The following CCSER1 variants were observed in gnomAD, a reference collection of about 807,000 sequenced individuals.
CCSER1 encodes the protein serine-rich coiled-coil domain-containing protein 1.
Under a neutral mutation model 82.0 loss-of-function variants are expected in CCSER1, and 41 were observed. That is an observed-to-expected ratio of 0.50 (90% CI 0.39 to 0.65). The LOEUF (loss-of-function observed/expected upper bound fraction) is 0.65. CCSER1 is among the 30% of genes least tolerant of loss of function. CCSER1 has a pLI of 0.00. For missense variants in CCSER1, 1,119 were observed against 1,064.2 expected, an observed-to-expected ratio of 1.05 and a Z score of -0.72; for synonymous variants, 414 against 383.9, an observed-to-expected ratio of 1.08 and a Z score of -0.92.
chr4:90,274,408 C>G (rs946476126), intron 1 of CCSER1, among the ~76,000 whole-genome samples: 2 of 152,058 alleles, frequency 1.3e-5, no homozygotes, highest in South Asian at 2.1e-4. Context: ...TTTCTTATCA[C>G]TTTGTCATTT....
intron 3 of CCSER1, among the ~76,000 whole-genome samples, chr4:90,356,223 C>T (rs186864479): frequency 9.2e-5 from 14 of 151,892 alleles, no homozygotes; most frequent in Admixed American, 9.2e-4. Flanking sequence ...TGTAGCTATA[C>T]TGTTTTATAA....
intron 6 of CCSER1, among the ~76,000 whole-genome samples, chr4:90,688,762 A>G (rs1181177982): frequency 2.0e-5 from 3 of 152,300 alleles, no homozygotes; most frequent in African/African-American, 7.2e-5. Context: ...GAATTTTTAA[A>G]TACTTTAAGT....
At chr4:90,667,077 G>T (rs1263331980) in intron 6 of CCSER1, among the ~76,000 whole-genome samples, 4 of 152,092 alleles carry the variant, frequency 2.6e-5, no homozygotes, top group South Asian at 2.1e-4. Context: ...ACACCGAATC[G>T]ACTTCAGGTT....
intron 10 of CCSER1, among the ~76,000 whole-genome samples, chr4:91,356,802 C>T (rs189320974): frequency 4.3e-4 from 65 of 152,214 alleles, no homozygotes; most frequent in African/African-American, 1.3e-3. Context: ...TGTTGGGAGA[C>T]GGAAGCTGGA....
intron 4 of CCSER1, among the ~76,000 whole-genome samples, chr4:90,443,461 G>A (rs1467410193): frequency 6.6e-6 from 1 of 152,130 alleles, no homozygotes; most frequent in Non-Finnish European, 1.5e-5. Flanking sequence ...CATCCTGGGT[G>A]GGACAGAGCA....
intron 8 of CCSER1, among the ~76,000 whole-genome samples, chr4:90,842,702 T>G (rs1762726748): frequency 6.6e-6 from 1 of 152,036 alleles, no homozygotes; most frequent in African/African-American, 2.4e-5. Flanking sequence ...AGGAAAGAGA[T>G]GTATAAGAAG....
intron 10 of CCSER1, among the ~76,000 whole-genome samples, chr4:91,464,252 T>A (rs7663909): frequency 1.2e-4 from 18 of 151,980 alleles, no homozygotes; most frequent in Admixed American, 2.6e-4. Flanking sequence ...CCAGCCAAAC[T>A]AAGCTTCATA....
At chr4:91,365,104 A>T (rs1239705505) in intron 10 of CCSER1, among the ~76,000 whole-genome samples, 1 of 152,190 alleles carries the variant, frequency 6.6e-6, no homozygotes, top group African/African-American at 2.4e-5. Flanking sequence ...GTAATGGTGC[A>T]TTTCTAATAA....
intron 5 of CCSER1, among the ~76,000 whole-genome samples, chr4:90,521,240 T>A (rs890841724): frequency 6.6e-6 from 1 of 152,098 alleles, no homozygotes; most frequent in African/African-American, 2.4e-5. Context: ...CTTAAAAATA[T>A]CCTTTAGTGA....
chr4:90,185,347 A>G (rs1734428360), intron 1 of CCSER1, among the ~76,000 whole-genome samples: 1 of 152,114 alleles, frequency 6.6e-6, no homozygotes, highest in Non-Finnish European at 1.5e-5. Flanking sequence ...GGGAGGTAAA[A>G]GAATGAACAT....
chr4:90,778,528 A>T (rs1367155475), intron 7 of CCSER1, among the ~76,000 whole-genome samples: 1 of 31,536 alleles, frequency 3.2e-5, no homozygotes, highest in Non-Finnish European at 6.3e-5. Flanking sequence ...TGCATTTCTT[A>T]AAAAAAAAAA....
At chr4:90,863,425 A>G (rs1192738568) in intron 8 of CCSER1, among the ~76,000 whole-genome samples, 1 of 152,034 alleles carries the variant, frequency 6.6e-6, no homozygotes, top group South Asian at 2.1e-4. Context: ...TTTCTTTTTC[A>G]GTCAGATGAT....
chr4:90,213,737 G>A (rs1045438270), intron 1 of CCSER1, among the ~76,000 whole-genome samples: 1 of 152,176 alleles, frequency 6.6e-6, no homozygotes, highest in Admixed American at 6.5e-5. Flanking sequence ...AGTCAACACT[G>A]ACAGATGCTA....
rs114450503 is a variant in CCSER1, at chr4:91,107,105, C to A, written c.2217+21111C>A. On this transcript the variant is annotated intron_variant, in intron 10 of 10. Coordinates refer to ENST00000509176, the MANE Select transcript of CCSER1 (RefSeq NM_001145065.2). Reference sequence around the variant, plus strand: ...TTTAACACTGTGTTACAGTTGTCTACAGTATTGAGTCTAATAACATGCTGT... The same window carrying A: ...TTTAACACTGTGTTACAGTTGTCTAAAGTATTGAGTCTAATAACATGCTGT... Among the ~76,000 whole-genome samples, 1,327 of 152,212 alleles carry A rather than the reference C, an allele frequency of 8.7e-3. 19 individuals carry two copies. Among genetic ancestry groups the A allele is most frequent in the African/African-American group, 0.031 (1,284 of 41,520 alleles).
In CCSER1 at chr4:90,200,183, T is replaced by G. The variant is rs1368032092; in HGVS notation, c.-42+72352T>G. ...AAAACCTGAAGTCATGATGGCATAT[T>G]GTGTTATCTCCTTCCCAGAGTACAT... On this transcript the variant is annotated intron_variant, in intron 1 of 10. Transcript: ENST00000509176. Among the ~76,000 whole-genome samples the G allele has an allele frequency of 2.0e-5, 3 of 152,002 alleles. No individual in the cohort carries two copies. The East Asian group carries it at 5.8e-4, about 29-fold the overall frequency.
At chr4:91,473,642 A>G (rs1023218851) in intron 10 of CCSER1, among the ~76,000 whole-genome samples, 2 of 152,126 alleles carry the variant, frequency 1.3e-5, no homozygotes, top group African/African-American at 2.4e-5. Flanking sequence ...AGATGATGAT[A>G]TATACTTCTT....
chr4:91,604,499 A>G lies in CCSER1; in HGVS notation c.*5442A>G, dbSNP rs977176465. On this transcript the variant is annotated 3_prime_UTR_variant, in exon 11 of 11. Coordinates refer to ENST00000509176, the MANE Select transcript of CCSER1 (RefSeq NM_001145065.2). ...TTCTAATTTTCTTCTCTTGAAAGCA[A>G]TTAGAAAAAATGCTAAGAAATGATT... is the stretch of plus-strand genomic sequence containing the variant. The G allele has an allele frequency of 1.3e-5, 2 of 152,108 alleles. No homozygotes were observed. The highest frequency in any genetic ancestry group is 2.9e-5 in the Non-Finnish European group (2 of 67,962). The allele number at this position is 152,108 out of a possible 1,614,324, so 9.4% of individuals were successfully genotyped here.
intron 7 of CCSER1, among the ~76,000 whole-genome samples, chr4:90,801,807 G>A (rs1756859651): frequency 6.6e-6 from 1 of 152,094 alleles, no homozygotes; most frequent in Non-Finnish European, 1.5e-5. Context: ...GAGAAAATCA[G>A]AGTAAATATA....
intron 6 of CCSER1, among the ~76,000 whole-genome samples, chr4:90,721,551 A>G (rs1742686185): frequency 1.3e-5 from 2 of 151,888 alleles, no homozygotes; most frequent in African/African-American, 4.8e-5. Flanking sequence ...TTTTATGAAG[A>G]AAGTTGTGGA....
Sources: gnomAD v4.1 joint callset for allele counts (sites outside exome capture counted in the v4.1 genomes callset) on GRCh38, gnomAD v4.1.1 for gene constraint, MANE v1.5 for transcripts, NCBI Gene and HGNC (gene_info 2026-07-23, HGNC 2026-07-21) for gene names.